PRPF18: variants seen among roughly 807,000 people sequenced by gnomAD.
PRPF18 encodes pre-mRNA-splicing factor 18.
Under a neutral mutation model 46.5 loss-of-function variants are expected in PRPF18, and 38 were observed. The ratio of observed to expected loss-of-function variants is 0.82; its 90% CI spans 0.63 to 1.07. The LOEUF (loss-of-function observed/expected upper bound fraction) is 1.07, where lower values mean the gene tolerates loss of function less well. Among genes scored for constraint, PRPF18 ranks in the 50% least tolerant of loss-of-function variants. The pLI, the probability that PRPF18 is intolerant of heterozygous loss-of-function variation, is 0.00. For missense variants in PRPF18, 263 were observed against 410.0 expected (o/e 0.64, Z 3.10); for synonymous variants, 152 against 146.7 (o/e 1.04, Z -0.26).
intron 9 of PRPF18, among the ~76,000 whole-genome samples, chr10:13,627,117 G>C (rs891112172): frequency 6.6e-6 from 1 of 152,124 alleles, no homozygotes; most frequent in African/African-American, 2.4e-5. Context: ...CTGTTGTTCA[G>C]AACCCTGCAG....
At chr10:13,636,966 A>G in the PRPF18 span, 1 of 152,208 alleles carries the variant, frequency 6.6e-6, no homozygotes, top group African/African-American at 2.4e-5. Context: ...AAATGGAATC[A>G]AACAGTATGT....
chr10:13,602,694 T>C (rs2080130320), intron 3 of PRPF18, among the ~76,000 whole-genome samples: 1 of 152,168 alleles, frequency 6.6e-6, no homozygotes, highest in Admixed American at 6.5e-5. Flanking sequence ...ATAGTCAAAA[T>C]ACTTGAAATT....
the PRPF18 span, chr10:13,654,454 G>T: frequency 1.7e-5 from 28 of 1,613,592 alleles, no homozygotes; most frequent in South Asian, 2.9e-4. Flanking sequence ...GGCTGCTTGG[G>T]GGGGTGGCTC....
chr10:13,597,456 A>G lies in PRPF18; in HGVS notation c.67-2A>G, dbSNP rs1366720383. 1.3e-6 allele frequency: 2 copies of G among 1,580,006 alleles called. No homozygotes were observed. Among genetic ancestry groups the G allele is most frequent in the Non-Finnish European group, 8.6e-7 (1 of 1,162,006 alleles). ...ATTGACATAATTTATTTTCTTTAAT[A>G]GGAAAATAAAAAATATTTCAAGCGT... is the stretch of plus-strand genomic sequence containing the variant. On this transcript the variant is annotated splice_acceptor_variant, in intron 1 of 9. Transcript: ENST00000378572. LOFTEE classifies it high-confidence loss of function.
At chr10:13,612,013 G>A (rs897325122) in intron 6 of PRPF18, among the ~76,000 whole-genome samples, 62 of 151,552 alleles carry the variant, frequency 4.1e-4, no homozygotes, top group African/African-American at 1.5e-3. Flanking sequence ...CTGAGTAGCT[G>A]GGATTACAGG....
At chr10:13,654,546 A>G in the PRPF18 span, 2 of 1,391,072 alleles carry the variant, frequency 1.4e-6, no homozygotes, top group Admixed American at 3.4e-5. Context: ...GGCAGAGAGC[A>G]GACAGGGATC....
Position 13,597,697 on chromosome 10 carries a change from T to TA in PRPF18, c.144+169dup, listed in dbSNP as rs2080055507. 3 of 1,579,158 alleles carry TA rather than the reference T, an allele frequency of 1.9e-6. No individual in the cohort carries two copies. In the African/African-American group the frequency reaches 4.1e-5, roughly 21 times the overall value. On this transcript the variant is annotated intron_variant, in intron 2 of 9. Coordinates refer to ENST00000378572, the MANE Select transcript of PRPF18 (RefSeq NM_003675.4). The stretch of plus-strand genomic sequence containing the variant: ...GTATGAGTTTTTGTTTTTGCATTTT[T>TA]AAAAAAATCTTGAATTCAGGAAAAT...
chr10:13,592,757 A>G (rs1364886826), intron 1 of PRPF18, among the ~76,000 whole-genome samples: 2 of 152,224 alleles, frequency 1.3e-5, no homozygotes, highest in African/African-American at 4.8e-5. Flanking sequence ...ATGGGGAGTA[A>G]TTAGTAGTTT....
chr10:13,634,278 C>T (rs1448945709), downstream of PRPF18, among the ~76,000 whole-genome samples: 1 of 152,196 alleles, frequency 6.6e-6, no homozygotes, highest in East Asian at 1.9e-4. Flanking sequence ...AGGCCACTTC[C>T]TTCTGTTGAG....
chr10:13,613,966 A>G (rs753073865), intron 7 of PRPF18, 49 bp from the exon 8 acceptor site: 9 of 1,543,130 alleles, frequency 5.8e-6, no homozygotes, highest in Middle Eastern at 1.7e-4. Flanking sequence ...TTTTTTCCCT[A>G]TACATCTATA....
At chr10:13,616,870 A>G (rs564002785) in intron 9 of PRPF18, among the ~76,000 whole-genome samples, 150 of 152,266 alleles carry the variant, frequency 9.9e-4, no homozygotes, top group African/African-American at 3.5e-3. Context: ...CATCAGAGAA[A>G]TGTGGGAGTT....
At chr10:13,652,260 C>G in the PRPF18 span, 1 of 467,834 alleles carries the variant, frequency 2.1e-6, no homozygotes, top group Non-Finnish European at 3.9e-6. Context: ...TGCTGTTTTT[C>G]AAATTTGGCT....
chr10:13,625,546 G>A (rs1459855505), intron 9 of PRPF18, among the ~76,000 whole-genome samples: 2 of 152,098 alleles, frequency 1.3e-5, no homozygotes, highest in African/African-American at 4.8e-5. Context: ...AACAGAAAAG[G>A]GAAGATAGGA....
the PRPF18 span, chr10:13,653,994 C>T: frequency 6.9e-6 from 2 of 290,396 alleles, no homozygotes; most frequent in Admixed American, 4.7e-5. Flanking sequence ...CTGAGACATC[C>T]TAAGACACTG....
chr10:13,635,302 G>A (rs1182244468), downstream of PRPF18, among the ~76,000 whole-genome samples: 6 of 152,152 alleles, frequency 3.9e-5, no homozygotes, highest in Admixed American at 6.5e-5. Flanking sequence ...TCATTGGTGG[G>A]CATTTGGGTT....
At chr10:13,650,547 T>C in the PRPF18 span, among the ~76,000 whole-genome samples, 1 of 152,206 alleles carries the variant, frequency 6.6e-6, no homozygotes, top group African/African-American at 2.4e-5. Context: ...TAGCAGATGA[T>C]CGCCCTCCCA....
chr10:13,629,971 T>C (rs752008025), intron 9 of PRPF18, among the ~76,000 whole-genome samples: 20 of 152,236 alleles, frequency 1.3e-4, no homozygotes, highest in Non-Finnish European at 2.6e-4. Flanking sequence ...CTGTAAGATA[T>C]CCCATTTGTG....
chr10:13,654,680 C>T, the PRPF18 span: 4 of 601,024 alleles, frequency 6.7e-6, no homozygotes, highest in Non-Finnish European at 1.2e-5. Flanking sequence ...GGCATGGTCA[C>T]AGTGGGCAAC....
rs745528761 is a variant in PRPF18, at chr10:13,610,101, C to A, written c.426C>A (p.Ile142=). 1.9e-6 allele frequency: 3 copies of A among 1,613,652 alleles called. No homozygotes were observed. Among genetic ancestry groups the A allele is most frequent in the South Asian group, 1.1e-5 (1 of 91,072 alleles). ...DKIDQQYLNE[I]VGGQEPGEED... is the part of the protein sequence containing the mutation. ...TTGATCAGCAGTACCTCAATGAAATCGTCGGCGGTCAGGAGCCTGGAGAGG... is the reference window on the plus strand; with the variant it reads ...TTGATCAGCAGTACCTCAATGAAATAGTCGGCGGTCAGGAGCCTGGAGAGG... Residue 142 remains isoleucine (I), a synonymous_variant, in exon 5 of 10, where the codon ATC becomes ATA. Coordinates refer to ENST00000378572, the MANE Select transcript of PRPF18 (RefSeq NM_003675.4).
Sources: allele counts gnomAD v4.1 joint callset (sites outside exome capture counted in the v4.1 genomes callset), GRCh38; gene constraint gnomAD v4.1.1; transcripts MANE v1.5; gene names NCBI Gene and HGNC (gene_info 2026-07-23, HGNC 2026-07-21).